Variants in SOS2 observed in about 807,000 individuals in gnomAD.
SOS2 encodes son of sevenless homolog 2.
Under a neutral mutation model 148.2 loss-of-function variants are expected in SOS2, and 65 were observed. The ratio of observed to expected loss-of-function variants is 0.44; its 90% CI spans 0.36 to 0.54. The LOEUF (loss-of-function observed/expected upper bound fraction) is 0.54, where lower values mean the gene tolerates loss of function less well. Ranked by LOEUF, SOS2 falls within the 20% of genes least tolerant of loss-of-function variation. SOS2 has a pLI of 0.00. For missense variants in SOS2, 1,341 were observed against 1,590.2 expected, an observed-to-expected ratio of 0.84 and a Z score of 2.67; for synonymous variants, 539 against 537.1, an observed-to-expected ratio of 1.00 and a Z score of -0.05.
intron 12 of SOS2, among the ~76,000 whole-genome samples, chr14:50,153,906 C>T (rs746577445): frequency 6.6e-6 from 1 of 151,968 alleles, no homozygotes; most frequent in Non-Finnish European, 1.5e-5. Flanking sequence ...AGCCACTGCA[C>T]CCAGCCTATC....
chr14:50,150,146 T>G lies in SOS2; in HGVS notation c.2246A>C (p.Asn749Thr). The G allele has an allele frequency of 6.2e-7, 1 of 1,613,438 alleles. No individual in the cohort carries two copies. Among genetic ancestry groups the G allele is most frequent in the South Asian group, 1.1e-5 (1 of 91,062 alleles). ...KQAQANGVSH[N>T]ITFESPPPPI... ...TGGAGGTGGACTTTCAAAGGTAATA[T>G]TATGGCTTACTCCGTTTGCCTGAGC... The change falls in exon 14 of 23, where the codon AAT (asparagine) becomes ACT (threonine). Residue 749 changes from asparagine to threonine, a missense_variant. By Grantham distance (65) the Asn-to-Thr change is moderately conservative. Around this residue, in one of 4 missense-constraint regions of SOS2, gnomAD observed 408 missense variants for 506.6 expected, o/e 0.81. Coordinates refer to ENST00000216373, the MANE Select transcript of SOS2 (RefSeq NM_006939.4).
chr14:50,134,009 C>G lies in SOS2; in HGVS notation c.3075+114G>C, dbSNP rs1002032627. 8 of 709,024 alleles carry G rather than the reference C, an allele frequency of 1.1e-5. No homozygotes were observed. The Admixed American group carries it at 1.2e-4, about 11-fold the overall frequency. The allele number at this position is 709,024 out of a possible 1,614,324, so 43.9% of individuals were successfully genotyped here. On this transcript the variant is annotated intron_variant, in intron 19 of 22. Transcript: ENST00000216373. ...TTTAGAAATAGTATATTACTGCAAA[C>G]AAAACACCTAGGAACAGCCATTCAA...
chr14:50,182,646 G>C lies in SOS2; in HGVS notation c.715-40C>G, dbSNP rs141718860. On this transcript the variant is annotated intron_variant, in intron 5 of 22. Coordinates refer to ENST00000216373, the MANE Select transcript of SOS2 (RefSeq NM_006939.4). ...GGAAGGTTAAGAAATGTGAGATTGA[G>C]AATTCTGCTAAAAAATTACTAAATA... 1.0e-4 allele frequency: 154 copies of C among 1,537,742 alleles called. 1 individual carries two copies. In the African/African-American group the frequency reaches 1.9e-3, roughly 19 times the overall value.
rs189703612 is a variant in SOS2 at position 50,119,778 on chromosome 14, T to G, written c.3489+497A>C. 2.7e-4 allele frequency among the ~76,000 whole-genome samples: 40 copies of G among 149,724 alleles called. 1 individual carries two copies. The highest frequency in any genetic ancestry group is 2.3e-3 in the Admixed American group (35 of 14,948). Reference sequence around the variant, plus strand: ...CTTGAACTCCTGACTTCAGATGATCTGCCTGCCTCAGCCTCCCAACCAGCC... The same window carrying G: ...CTTGAACTCCTGACTTCAGATGATCGGCCTGCCTCAGCCTCCCAACCAGCC... On this transcript the variant is annotated intron_variant, in intron 22 of 22. Coordinates refer to ENST00000216373, the MANE Select transcript of SOS2 (RefSeq NM_006939.4).
intron 4 of SOS2, 23 bp from the exon 5 acceptor site, chr14:50,188,723 G>A (rs1886007902): frequency 6.8e-7 from 1 of 1,475,812 alleles, no homozygotes; most frequent in African/African-American, 1.4e-5. Context: ...AATCAATAAT[G>A]TATAAATTTA....
intron 7 of SOS2, among the ~76,000 whole-genome samples, chr14:50,176,731 T>G (rs1885534608): frequency 6.6e-6 from 1 of 152,234 alleles, no homozygotes; most frequent in Non-Finnish European, 1.5e-5. Flanking sequence ...TAACTGGGGC[T>G]GGGCGTGATG....
At chr14:50,212,176 A>G (rs1460831287) in intron 1 of SOS2, among the ~76,000 whole-genome samples, 2 of 152,254 alleles carry the variant, frequency 1.3e-5, no homozygotes, top group Admixed American at 1.3e-4. Context: ...TGGAAAAACT[A>G]TTAAGAAAAT....
intron 2 of SOS2, 131 bp from the exon 3 acceptor site, chr14:50,201,215 G>A: frequency 1.2e-6 from 1 of 839,172 alleles, no homozygotes; most frequent in Admixed American, 2.7e-5. Context: ...TCTGATTCCT[G>A]TAATAAATAA....
At chr14:50,169,716 T>C (rs1182661404) in intron 8 of SOS2, among the ~76,000 whole-genome samples, 1 of 152,132 alleles carries the variant, frequency 6.6e-6, no homozygotes, top group Non-Finnish European at 1.5e-5. Context: ...GTTGGAATAA[T>C]GTTATATTAT....
At chr14:50,189,317 C>CACAT (rs1566472481) in intron 4 of SOS2, among the ~76,000 whole-genome samples, 2 of 24,426 alleles carry the variant, frequency 8.2e-5, no homozygotes, top group East Asian at 2.6e-3. Context: ...CACACACACA[C>CACAT]ACACACATAA....
chr14:50,209,628 A>T (rs953068020), intron 1 of SOS2, among the ~76,000 whole-genome samples: 13 of 151,900 alleles, frequency 8.6e-5, no homozygotes, highest in Non-Finnish European at 1.8e-4. Context: ...ATGTGGTGGC[A>T]CGCAACTGTA....
At chr14:50,204,442 C>A in intron 1 of SOS2, 33 bp from the exon 2 acceptor site, 3 of 1,354,294 alleles carry the variant, frequency 2.2e-6, no homozygotes, top group Admixed American at 4.3e-5. Flanking sequence ...AAAGTAATGG[C>A]AAAATAATAT....
chr14:50,153,281 A>G, intron 12 of SOS2, 108 bp from the exon 13 acceptor site: 3 of 611,276 alleles, frequency 4.9e-6, no homozygotes, highest in Non-Finnish European at 6.0e-6. Context: ...TCAACATAAT[A>G]CTCAAAGACT....
chr14:50,155,313 T>C (rs1370037961), intron 12 of SOS2, among the ~76,000 whole-genome samples: 2 of 152,178 alleles, frequency 1.3e-5, no homozygotes, highest in Non-Finnish European at 2.9e-5. Flanking sequence ...TCCAATTCCA[T>C]ACAGGTAATC....
At chr14:50,135,357 CT>C (rs1218412282) in intron 18 of SOS2, among the ~76,000 whole-genome samples, 1 of 150,784 alleles carries the variant, frequency 6.6e-6, no homozygotes, top group Non-Finnish European at 1.5e-5. Context: ...ATATTTTAAG[CT>C]TAAATTTAAG....
chr14:50,226,518 T>C (rs997116829), intron 1 of SOS2, among the ~76,000 whole-genome samples: 8 of 152,308 alleles, frequency 5.3e-5, no homozygotes, highest in Admixed American at 3.9e-4. Flanking sequence ...TACCGATCTT[T>C]TTCCTTGCCG....
chr14:50,121,039 G>C (rs1212840471), intron 21 of SOS2, among the ~76,000 whole-genome samples: 1 of 151,990 alleles, frequency 6.6e-6, no homozygotes, highest in Non-Finnish European at 1.5e-5. Flanking sequence ...TGCCCTGCGA[G>C]ACCGTATATT....
chr14:50,182,324 A>T, intron 6 of SOS2, 139 bp downstream of exon 6: 1 of 715,768 alleles, frequency 1.4e-6, no homozygotes, highest in East Asian at 2.8e-5. Flanking sequence ...GGGACCACAG[A>T]TGGGCACTAC....
chr14:50,174,323 C>T, intron 8 of SOS2, 131 bp downstream of exon 8: 2 of 366,816 alleles, frequency 5.5e-6, no homozygotes, highest in East Asian at 7.1e-5. Flanking sequence ...AGCAATGTTA[C>T]ATATAAAAAT....
Sources: allele counts gnomAD v4.1 joint callset (sites outside exome capture counted in the v4.1 genomes callset), GRCh38; gene constraint gnomAD v4.1.1; regional missense constraint gnomAD v4.1.1; transcripts MANE v1.5; gene names NCBI Gene and HGNC (gene_info 2026-07-23, HGNC 2026-07-21).